The following TENM3 variants were observed in gnomAD, a reference collection of about 807,000 sequenced individuals.
The protein encoded by TENM3 is teneurin-3.
A neutral mutation model predicts 255.1 loss-of-function variants in TENM3; 63 were observed. The observed-to-expected ratio is 0.25, with a 90% confidence interval of 0.20 to 0.30. The LOEUF (loss-of-function observed/expected upper bound fraction) is 0.30, where lower values mean the gene tolerates loss of function less well. Among genes scored for constraint, TENM3 ranks in the 10% least tolerant of loss-of-function variants. The probability of loss-of-function intolerance (pLI) is 1.00; values close to 1 mark genes in which losing one functional copy is unlikely to be tolerated. For synonymous variants in TENM3, 1,306 were observed against 1,322.3 expected, an observed-to-expected ratio of 0.99 and a Z score of 0.27; for missense variants, 2,929 against 3,461.1, an observed-to-expected ratio of 0.85 and a Z score of 3.86.
intron 3 of TENM3, among the ~76,000 whole-genome samples, chr4:182,420,157 C>A (rs1425927593): frequency 6.6e-6 from 1 of 151,734 alleles, no homozygotes; most frequent in Non-Finnish European, 1.5e-5. Context: ...TATAATTGTG[C>A]CCTATCTGTC....
the TENM3 span, among the ~76,000 whole-genome samples, chr4:181,871,231 T>A: frequency 2.0e-5 from 3 of 152,046 alleles, no homozygotes; most frequent in African/African-American, 4.8e-5. Context: ...CCATTTTAGA[T>A]CCTTTACAAT....
At chr4:182,761,517 T>TG (rs1434456956) in intron 22 of TENM3, among the ~76,000 whole-genome samples, 7 of 152,082 alleles carry the variant, frequency 4.6e-5, no homozygotes, top group Non-Finnish European at 8.8e-5. Flanking sequence ...CCCTAAAAAC[T>TG]GAAACACTGA....
chr4:181,945,343 C>T, the TENM3 span, among the ~76,000 whole-genome samples: 8 of 152,042 alleles, frequency 5.3e-5, no homozygotes, highest in African/African-American at 1.9e-4. Flanking sequence ...GAGTGGAGAA[C>T]AGCACATAAG....
chr4:181,783,672 G>A, the TENM3 span, among the ~76,000 whole-genome samples: 5 of 152,008 alleles, frequency 3.3e-5, no homozygotes, highest in African/African-American at 1.2e-4. Context: ...GCTTTATCTT[G>A]CCTGTTTTGT....
intron 3 of TENM3, among the ~76,000 whole-genome samples, chr4:182,588,196 TC>T (rs1677612570): frequency 6.6e-6 from 1 of 152,194 alleles, no homozygotes; most frequent in Non-Finnish European, 1.5e-5. Flanking sequence ...AATCCTGCTC[TC>T]CCCTCAGAAG....
At chr4:182,280,481 G>A in intron 1 of TENM3, among the ~76,000 whole-genome samples, 1 of 152,090 alleles carries the variant, frequency 6.6e-6, no homozygotes, top group South Asian at 2.1e-4. Context: ...CACATAGAAT[G>A]GAATTCTTTT....
chr4:182,524,293 A>AGTAT (rs1738892394), intron 3 of TENM3, among the ~76,000 whole-genome samples: 2 of 151,570 alleles, frequency 1.3e-5, no homozygotes, highest in South Asian at 2.1e-4. Context: ...ATTGAGAACC[A>AGTAT]CTATACCATC....
chr4:182,597,149 T>C (rs1747325456), intron 3 of TENM3, among the ~76,000 whole-genome samples: 1 of 152,168 alleles, frequency 6.6e-6, no homozygotes, highest in Non-Finnish European at 1.5e-5. Flanking sequence ...ACACCTGCAG[T>C]CTCAGTACTT....
At chr4:181,852,137 A>G in the TENM3 span, among the ~76,000 whole-genome samples, 1 of 152,236 alleles carries the variant, frequency 6.6e-6, no homozygotes, top group Non-Finnish European at 1.5e-5. Context: ...GTGGATCCTC[A>G]GGCTTTTAAT....
chr4:181,745,010 C>T, the TENM3 span, among the ~76,000 whole-genome samples: 1 of 152,090 alleles, frequency 6.6e-6, no homozygotes, highest in African/African-American at 2.4e-5. Context: ...CAGGAATTCT[C>T]AGCATATAGA....
At chr4:182,365,370 G>T (rs1303128660) in intron 3 of TENM3, among the ~76,000 whole-genome samples, 1 of 152,152 alleles carries the variant, frequency 6.6e-6, no homozygotes, top group Non-Finnish European at 1.5e-5. Context: ...GACAGGTTTG[G>T]TTGCAGGACC....
chr4:181,514,351 T>C, the TENM3 span, among the ~76,000 whole-genome samples: 11 of 152,320 alleles, frequency 7.2e-5, no homozygotes, highest in African/African-American at 2.6e-4. Context: ...ATATTGAAAA[T>C]TCCAGGTGTG....
the TENM3 span, among the ~76,000 whole-genome samples, chr4:181,588,662 A>G: frequency 6.6e-6 from 1 of 152,208 alleles, no homozygotes. Context: ...AGTTTGTTGA[A>G]TTTTGTGTTG....
chr4:182,730,339 C>T lies in TENM3; in HGVS notation c.2705+20C>T, dbSNP rs759424507. 8 of 1,612,596 alleles carry T rather than the reference C, an allele frequency of 5.0e-6. No homozygotes were observed. In the African/African-American group the frequency reaches 8.0e-5, roughly 16 times the overall value. On this transcript the variant is annotated intron_variant, in intron 15 of 27. Coordinates refer to ENST00000511685, the MANE Select transcript of TENM3 (RefSeq NM_001080477.4). ...CGGAATGTGAGTTAGTCCCATCACACTATCTCTGAAGGATTTGAAATATAA... is the reference window on the plus strand; with the variant it reads ...CGGAATGTGAGTTAGTCCCATCACATTATCTCTGAAGGATTTGAAATATAA...
chr4:182,743,196 A>G lies in TENM3; in HGVS notation c.3406A>G (p.Asn1136Asp). The G allele has an allele frequency of 6.8e-6, 11 of 1,613,454 alleles. No homozygotes were observed. The highest frequency in any genetic ancestry group is 1.1e-5 in the South Asian group (1 of 91,068). Residue 1136 changes from asparagine to aspartate, a missense_variant, in exon 19 of 28, where the codon AAC becomes GAC. Transcript: ENST00000511685. ...NGILYKGNGE[N>D]QFISQQPPVV... ...TATACTGTACAAGGGAAACGGGGAA[A>G]ACCAGTTCATCTCCCAGCAGCCTCC...
chr4:182,373,793 T>G (rs386473702), intron 3 of TENM3, among the ~76,000 whole-genome samples: 66 of 152,302 alleles, frequency 4.3e-4, no homozygotes, highest in Non-Finnish European at 7.8e-4. Context: ...AGCCCCCTAC[T>G]AAGGGGAATT....
At chr4:182,281,996 A>G (rs1047798688) in intron 1 of TENM3, among the ~76,000 whole-genome samples, 2 of 152,162 alleles carry the variant, frequency 1.3e-5, no homozygotes, top group Non-Finnish European at 2.9e-5. Context: ...TCGGCCTCCC[A>G]ATGTGCTGAG....
At chr4:182,587,592 T>C (rs1404906096) in intron 3 of TENM3, among the ~76,000 whole-genome samples, 2 of 151,986 alleles carry the variant, frequency 1.3e-5, no homozygotes, top group African/African-American at 4.8e-5. Flanking sequence ...AAATGTTCTT[T>C]GTAGAGATGG....
intron 3 of TENM3, among the ~76,000 whole-genome samples, chr4:182,464,545 C>T (rs1350970798): frequency 6.6e-6 from 1 of 152,170 alleles, no homozygotes. Context: ...GCGTGAGCCA[C>T]CACGCCAGGC....
Sources: gnomAD v4.1 joint callset for allele counts (sites outside exome capture counted in the v4.1 genomes callset) on GRCh38, gnomAD v4.1.1 for gene constraint, MANE v1.5 for transcripts, NCBI Gene and HGNC (gene_info 2026-07-23, HGNC 2026-07-21) for gene names.